MAGT1: variants seen among roughly 807,000 people sequenced by gnomAD.
MAGT1 encodes the protein magnesium transporter 1.
A neutral mutation model predicts 28.4 loss-of-function variants in MAGT1; 4 were observed. That is an observed-to-expected ratio of 0.14 (90% CI 0.07 to 0.32). The LOEUF is 0.32. Among genes scored for constraint, MAGT1 ranks in the 10% least tolerant of loss-of-function variants. The pLI is 1.00. For synonymous variants in MAGT1, 89 were observed against 89.7 expected (o/e 0.99, Z 0.04); for missense variants, 193 against 264.5 (o/e 0.73, Z 1.88).
chrX:77,858,884 C>T (rs782651968), intron 3 of MAGT1, among the ~76,000 whole-genome samples: 3 of 111,256 alleles, frequency 2.7e-5, no homozygotes, highest in East Asian at 5.6e-4. Flanking sequence ...TGTTTAGTTA[C>T]ACCACCTCTA....
At chrX:77,839,321 C>CAAA (rs1301187831) in intron 8 of MAGT1, among the ~76,000 whole-genome samples, 12 of 102,881 alleles carry the variant, frequency 1.2e-4, no homozygotes, top group East Asian at 9.5e-4. Flanking sequence ...ACAACAACAA[C>CAAA]AAAACCAATG....
At chrX:77,872,805 T>C (rs1246492653) in intron 2 of MAGT1, among the ~76,000 whole-genome samples, 2 of 112,353 alleles carry the variant, frequency 1.8e-5, no homozygotes, top group Non-Finnish European at 3.8e-5. Context: ...TAAATTTTCA[T>C]ATGTGTAACT....
rs184468593 is a variant in MAGT1 at position 77,831,872 on chromosome X, C to A, written c.902-977G>T. ...CCTCCCAAAGAGCTGGGATTACAGG[C>A]ATGAGCCACGGTGCCCGGCTTACTT... is the stretch of plus-strand genomic sequence containing the variant. On this transcript the variant is annotated intron_variant, in intron 8 of 9. Coordinates refer to ENST00000618282, the MANE Select transcript of MAGT1 (RefSeq NM_001367916.1). Among the ~76,000 whole-genome samples the A allele has an allele frequency of 4.5e-3, 505 of 111,753 alleles. 4 individuals are homozygous for A. Among genetic ancestry groups the A allele is most frequent in the African/African-American group, 0.013 (397 of 30,824 alleles).
At chrX:77,853,142 G>T (rs1242589623) in intron 7 of MAGT1, among the ~76,000 whole-genome samples, 1 of 112,033 alleles carries the variant, frequency 8.9e-6, no homozygotes, top group African/African-American at 3.2e-5. Context: ...GGCCAAGAAA[G>T]TAAAAATATT....
chrX:77,873,357 A>T (rs1423027455), intron 2 of MAGT1, among the ~76,000 whole-genome samples: 3 of 112,035 alleles, frequency 2.7e-5, no homozygotes, highest in African/African-American at 9.7e-5. Context: ...AGGCTGTCAG[A>T]ATCTGGAGAA....
rs782026207 is a variant in MAGT1, at chrX:77,826,368, G to A, written c.*2852C>T. On this transcript the variant is annotated 3_prime_UTR_variant, in exon 10 of 10. Transcript: ENST00000618282. The stretch of plus-strand genomic sequence containing the variant: ...ATGGTAATCAAAAACTCAGAATTTA[G>A]ATTGTAAAAGTTTATTGATATGGTC... The A allele has an allele frequency of 7.1e-5, 8 of 112,514 alleles. No individual in the cohort carries two copies. The East Asian group carries it at 2.0e-3, about 27-fold the overall frequency. 9.3% of individuals were successfully genotyped at this position (112,514 alleles called of 1,213,427 possible).
intron 7 of MAGT1, among the ~76,000 whole-genome samples, chrX:77,849,895 CAA>C (rs1247445316): frequency 4.9e-4 from 25 of 50,787 alleles, no homozygotes; most frequent in African/African-American, 7.4e-4. Flanking sequence ...AACAAAAAAC[CAA>C]AAAAAAAAAA....
Position 77,895,425 on chromosome X carries a change from C to T in MAGT1, c.-15G>A, listed in dbSNP as rs1557219836. On this transcript the variant is annotated 5_prime_UTR_variant, in exon 1 of 10. Transcript: ENST00000618282. ...CGCGCTGCCATGTTCGCTCCTCTCC[C>T]TTCTATAAGTGAAACTTTGCTCCGG... 1.7e-6 allele frequency: 2 copies of T among 1,209,746 alleles called. No homozygotes were observed. The highest frequency in any genetic ancestry group is 2.2e-6 in the Non-Finnish European group (2 of 894,221).
rs1482477959 is a variant in MAGT1, at chrX:77,855,485, C to T, written c.762+16G>A. 6.9e-6 allele frequency: 8 copies of T among 1,157,834 alleles called. No individual in the cohort carries two copies. The highest frequency in any genetic ancestry group is 9.4e-6 in the Non-Finnish European group (8 of 848,307). On this transcript the variant is annotated intron_variant, in intron 6 of 9. Coordinates refer to ENST00000618282, the MANE Select transcript of MAGT1 (RefSeq NM_001367916.1). ...ACTTTGGTCTACAAAGGAAAGAAAT[C>T]CCAGACTTCCCTTACCACATGTCCC... is the stretch of plus-strand genomic sequence containing the variant.
At chrX:77,830,689 T>C in intron 9 of MAGT1, 116 bp downstream of exon 9, 1 of 279,967 alleles carries the variant, frequency 3.6e-6, no homozygotes, top group Non-Finnish European at 6.5e-6. Context: ...TATCTTTCCT[T>C]TATAAGCTAA....
intron 7 of MAGT1, among the ~76,000 whole-genome samples, chrX:77,850,928 T>C (rs1471164189): frequency 9.0e-6 from 1 of 111,211 alleles, no homozygotes; most frequent in African/African-American, 3.3e-5. Context: ...TTCTAAGGTA[T>C]AATAATTTGT....
chrX:77,887,178 T>G (rs1557219076), intron 1 of MAGT1, among the ~76,000 whole-genome samples: 2 of 111,593 alleles, frequency 1.8e-5, no homozygotes, highest in African/African-American at 3.3e-5. Context: ...CACTGCAGCC[T>G]CGAACTCCTG....
chrX:77,850,640 C>T (rs1603361025), intron 7 of MAGT1, among the ~76,000 whole-genome samples: 1 of 110,944 alleles, frequency 9.0e-6, no homozygotes, highest in South Asian at 3.8e-4. Flanking sequence ...TTTTTGCATC[C>T]TAATAACCAA....
intron 8 of MAGT1, among the ~76,000 whole-genome samples, chrX:77,831,957 G>A (rs782504699): frequency 9.0e-6 from 1 of 111,271 alleles, no homozygotes; most frequent in African/African-American, 3.3e-5. Context: ...CATTAACTTA[G>A]ACATCTGATG....
intron 3 of MAGT1, 61 bp from the exon 4 acceptor site, chrX:77,857,558 A>C: frequency 8.6e-7 from 1 of 1,158,055 alleles, no homozygotes; most frequent in Admixed American, 2.2e-5. Flanking sequence ...ATTGCAGTTA[A>C]CATCTTGAAA....
intron 3 of MAGT1, among the ~76,000 whole-genome samples, chrX:77,865,578 C>T (rs2077006638): frequency 9.0e-6 from 1 of 110,536 alleles, no homozygotes; most frequent in South Asian, 3.8e-4. Context: ...CAGGCGTGAG[C>T]CAACCGCACC....
At chrX:77,884,165 C>A (rs1362457877) in intron 1 of MAGT1, among the ~76,000 whole-genome samples, 1 of 111,570 alleles carries the variant, frequency 9.0e-6, no homozygotes, top group African/African-American at 3.3e-5. Context: ...TGCACTCCAG[C>A]CTGGGTGACT....
At chrX:77,864,590 G>A (rs782195478) in intron 3 of MAGT1, among the ~76,000 whole-genome samples, 28 of 111,310 alleles carry the variant, frequency 2.5e-4, no homozygotes, top group Middle Eastern at 9.2e-3. Flanking sequence ...AGAAAAAAAT[G>A]GGTTTTCTAT....
chrX:77,871,698 C>T (rs782343415), intron 2 of MAGT1, among the ~76,000 whole-genome samples: 6 of 110,444 alleles, frequency 5.4e-5, no homozygotes, highest in African/African-American at 2.0e-4. Context: ...AAAAATTAAC[C>T]GGGCATGGTG....
Sources: gnomAD v4.1 joint callset for allele counts (sites outside exome capture counted in the v4.1 genomes callset) on GRCh38, gnomAD v4.1.1 for gene constraint, MANE v1.5 for transcripts, NCBI Gene and HGNC (gene_info 2026-07-23, HGNC 2026-07-21) for gene names.